Variants in HKDC1 observed in about 807,000 individuals in gnomAD.
HKDC1 encodes the protein hexokinase domain containing 1, also known as hexokinase HKDC1.
In HKDC1, 66 loss-of-function variants were observed where a neutral mutation model predicts 96.6. The ratio of observed to expected loss-of-function variants is 0.68; its 90% CI spans 0.56 to 0.84. The LOEUF (loss-of-function observed/expected upper bound fraction) is 0.84. Among genes scored for constraint, HKDC1 ranks in the 40% least tolerant of loss-of-function variants. The pLI, the probability that HKDC1 is intolerant of heterozygous loss-of-function variation, is 0.00. For missense variants in HKDC1, 1,211 were observed against 1,208.1 expected (o/e 1.00, Z -0.04); for synonymous variants, 466 against 473.1 (o/e 0.98, Z 0.20).
intron 4 of HKDC1, among the ~76,000 whole-genome samples, chr10:69,234,096 G>C (rs1041891315): frequency 6.6e-6 from 1 of 151,984 alleles, no homozygotes; most frequent in Admixed American, 6.6e-5. Context: ...CAAATAAGGG[G>C]ACGTTCTGGG....
chr10:69,258,058 C>A (rs574129536), intron 14 of HKDC1, among the ~76,000 whole-genome samples: 1 of 152,164 alleles, frequency 6.6e-6, no homozygotes, highest in African/African-American at 2.4e-5. Context: ...TCCATTTGAT[C>A]ATCTGGGCTT....
At chr10:69,266,374 G>C (rs1002004362) in intron 17 of HKDC1, among the ~76,000 whole-genome samples, 6 of 152,078 alleles carry the variant, frequency 3.9e-5, no homozygotes, top group African/African-American at 1.2e-4. Context: ...GGCTGAGCTG[G>C]GGGGCTTGAG....
chr10:69,262,395 T>A lies in HKDC1; in HGVS notation c.2372+1101T>A, dbSNP rs569765796. 8.5e-5 allele frequency among the ~76,000 whole-genome samples: 13 copies of A among 152,318 alleles called. No homozygotes were observed. The South Asian group carries it at 2.5e-3, about 29-fold the overall frequency. ...GTAGAAACATTTGGTTAAAAGAGTA[T>A]TTCACCATGGGCGCAGTGTTTTTTT... is the stretch of plus-strand genomic sequence containing the variant. On this transcript the variant is annotated intron_variant, in intron 16 of 17. Coordinates refer to ENST00000354624, the MANE Select transcript of HKDC1 (RefSeq NM_025130.4).
At position 69,247,363 on chromosome 10, in the gene HKDC1, T is replaced by C; in HGVS notation, c.1035T>C (p.Tyr345=). 4 of 1,612,594 alleles carry C rather than the reference T, an allele frequency of 2.5e-6. No individual in the cohort carries two copies. Among genetic ancestry groups the C allele is most frequent in the Non-Finnish European group, 3.4e-6 (4 of 1,178,654 alleles). Residue 345 remains tyrosine (Y), a synonymous_variant, in exon 9 of 18, where the codon TAT becomes TAC. Transcript: ENST00000354624. ...CTCATTCCTGTCCCCTGGCCAGGTA[T>C]AAAGAAGGCCTTGCTAATACAAGAG... is the stretch of plus-strand genomic sequence containing the variant. ...ETRHVAAMEK[Y]KEGLANTREI... is the part of the protein sequence containing the mutation.
chr10:69,255,960 A>G (rs987024523), intron 12 of HKDC1, among the ~76,000 whole-genome samples: 5 of 152,096 alleles, frequency 3.3e-5, no homozygotes, highest in African/African-American at 4.8e-5. Context: ...CAGTATTATA[A>G]AAATCATATA....
At chr10:69,257,792 C>A (rs757521311) in intron 14 of HKDC1, among the ~76,000 whole-genome samples, 5 of 152,072 alleles carry the variant, frequency 3.3e-5, no homozygotes, top group Non-Finnish European at 7.3e-5. Flanking sequence ...TCTCTGAATT[C>A]TTCTGGTTCT....
At chr10:69,236,396 C>T (rs1192470686) in intron 4 of HKDC1, among the ~76,000 whole-genome samples, 1 of 151,020 alleles carries the variant, frequency 6.6e-6, no homozygotes, top group East Asian at 2.0e-4. Flanking sequence ...GCGTGGTGAG[C>T]CACTGTGCCC....
chr10:69,253,753 G>A (rs1320141734), intron 12 of HKDC1, among the ~76,000 whole-genome samples: 1 of 152,182 alleles, frequency 6.6e-6, no homozygotes, highest in Non-Finnish European at 1.5e-5. Context: ...TAATGGTGGT[G>A]AGGAAGGGGT....
intron 1 of HKDC1, among the ~76,000 whole-genome samples, chr10:69,226,429 T>C (rs10762265): frequency 0.43 from 64,918 of 151,838 alleles, 16,571 homozygotes; most frequent in Non-Finnish European, 0.58. Context: ...TGTGGATCAC[T>C]TGAGGTCTGG....
chr10:69,248,673 G>T lies in HKDC1; in HGVS notation c.1515G>T (p.Gly505=). Residue 505 remains glycine (G), a synonymous_variant, in exon 10 of 18, where the codon GGG becomes GGT. Transcript: ENST00000354624. ...LEYGLKKKSH[G]LATVRMLPTY... ...ATGGGCTGAAGAAGAAGAGCCACGG[G>T]CTGGCCACGGTCAGGATGCTGCCCA... The T allele has an allele frequency of 3.7e-6, 6 of 1,614,018 alleles. No individual in the cohort carries two copies. The highest frequency in any genetic ancestry group is 5.1e-6 in the Non-Finnish European group (6 of 1,179,970).
intron 10 of HKDC1, among the ~76,000 whole-genome samples, chr10:69,250,036 A>G (rs1843612863): frequency 6.6e-6 from 1 of 152,150 alleles, no homozygotes; most frequent in Non-Finnish European, 1.5e-5. Flanking sequence ...ACGGCACCTC[A>G]CTGGCGATAG....
Position 69,261,441 on chromosome 10 carries a change from A to G in HKDC1, c.2372+147A>G. 10 of 682,248 alleles carry G rather than the reference A, an allele frequency of 1.5e-5. No homozygotes were observed. The South Asian group carries it at 2.0e-4, about 14-fold the overall frequency. The allele number at this position is 682,248 out of a possible 1,614,324, so 42.3% of individuals were successfully genotyped here. On this transcript the variant is annotated intron_variant, in intron 16 of 17. Transcript: ENST00000354624. ...CTCCTGGGGCTGCTCTTCTCTTTCC[A>G]ACTGATTCAGGATCGCTTTCAACAA...
intron 2 of HKDC1, among the ~76,000 whole-genome samples, chr10:69,228,998 AAGAG>A (rs979750804): frequency 9.2e-5 from 14 of 152,286 alleles, no homozygotes; most frequent in African/African-American, 3.4e-4. Context: ...GAAAGAAAGA[AAGAG>A]AGAAAGCTGC....
In HKDC1 at chr10:69,249,735, G is replaced by A. The variant is rs1024145395; in HGVS notation, c.1571-555G>A. The stretch of plus-strand genomic sequence containing the variant: ...AGGATGGTGTCGATCTCCTGACTTC[G>A]TGATCCACCTGCCTCGGCCTCCCAA... On this transcript the variant is annotated intron_variant, in intron 10 of 17. Coordinates refer to ENST00000354624, the MANE Select transcript of HKDC1 (RefSeq NM_025130.4). 5.9e-5 allele frequency among the ~76,000 whole-genome samples: 9 copies of A among 152,120 alleles called. No homozygotes were observed. In the East Asian group the frequency reaches 1.5e-3, roughly 26 times the overall value.
At chr10:69,262,363 C>T (rs1843822830) in intron 16 of HKDC1, among the ~76,000 whole-genome samples, 1 of 151,568 alleles carries the variant, frequency 6.6e-6, no homozygotes, top group African/African-American at 2.4e-5. Context: ...AAATCATTTC[C>T]TTAGTAGTAG....
intron 15 of HKDC1, among the ~76,000 whole-genome samples, chr10:69,259,876 C>A (rs1843780945): frequency 6.6e-6 from 1 of 152,190 alleles, no homozygotes; most frequent in Non-Finnish European, 1.5e-5. Flanking sequence ...TCCCAGCAGG[C>A]CCCTCCTCCA....
At chr10:69,252,061 G>T (rs1338003128) in intron 12 of HKDC1, among the ~76,000 whole-genome samples, 1 of 152,166 alleles carries the variant, frequency 6.6e-6, no homozygotes, top group African/African-American at 2.4e-5. Context: ...TGCCTGGCAA[G>T]AAATGCATTT....
intron 2 of HKDC1, chr10:69,232,468 C>T (rs751790082): frequency 1.3e-5 from 5 of 373,256 alleles, no homozygotes; most frequent in Non-Finnish European, 2.5e-5. Flanking sequence ...TCTCATACCA[C>T]CGCAAGGGCT....
In HKDC1 at chr10:69,257,387, G is replaced by A; in HGVS notation, c.1993G>A (p.Gly665Ser). The stretch of plus-strand genomic sequence containing the variant: ...TACAGTGGGGACCATGATGACCTGT[G>A]GCTATGAAGATCCTAATTGTGAGAT... ...NDTVGTMMTC[G>S]YEDPNCEIGL... is the part of the protein sequence containing the mutation. The change falls in exon 14 of 18, where the codon GGC becomes AGC. Residue 665 changes from glycine to serine, a missense_variant. Transcript: ENST00000354624. 1 of 1,614,062 alleles carries A rather than the reference G, an allele frequency of 6.2e-7. No individual in the cohort carries two copies. The highest frequency in any genetic ancestry group is 8.5e-7 in the Non-Finnish European group (1 of 1,179,914).
Sources: gnomAD v4.1 joint callset for allele counts (sites outside exome capture counted in the v4.1 genomes callset) on GRCh38, gnomAD v4.1.1 for gene constraint, MANE v1.5 for transcripts, NCBI Gene and HGNC (gene_info 2026-07-23, HGNC 2026-07-21) for gene names.